AOPEP: variants seen among roughly 807,000 people sequenced by gnomAD.
AOPEP encodes aminopeptidase O (putative).
A neutral mutation model predicts 98.1 loss-of-function variants in AOPEP; 77 were observed. The observed-to-expected ratio is 0.78, with a 90% CI of 0.65 to 0.95. AOPEP has a LOEUF of 0.95. Among genes scored for constraint, AOPEP ranks in the 40% least tolerant of loss-of-function variants. AOPEP has a pLI of 0.00. For synonymous variants in AOPEP, 346 were observed against 365.3 expected, an observed-to-expected ratio of 0.95 and a Z score of 0.60; for missense variants, 1,024 against 1,024.7, an observed-to-expected ratio of 1.00 and a Z score of 0.01.
intron 13 of AOPEP, among the ~76,000 whole-genome samples, chr9:95,043,125 A>G (rs2065484282): frequency 6.6e-6 from 1 of 151,166 alleles, no homozygotes; most frequent in African/African-American, 2.4e-5. Flanking sequence ...CTACACAAAA[A>G]TAAGAAAAGG....
chr9:94,729,153 A>G (rs574549824), intron 1 of AOPEP, among the ~76,000 whole-genome samples: 12 of 152,248 alleles, frequency 7.9e-5, no homozygotes, highest in Non-Finnish European at 1.8e-4. Context: ...GAAGTACAGA[A>G]GGTGGATGAT....
chr9:94,981,535 TCTACCCA>T (rs1391176814), intron 11 of AOPEP, among the ~76,000 whole-genome samples: 1 of 152,174 alleles, frequency 6.6e-6, no homozygotes, highest in Admixed American at 6.5e-5. Context: ...TTGCGTCTCT[TCTACCCA>T]TTTCGGCCAT....
intron 5 of AOPEP, among the ~76,000 whole-genome samples, chr9:94,844,095 C>T (rs565492916): frequency 3.3e-5 from 5 of 152,194 alleles, no homozygotes; most frequent in African/African-American, 4.8e-5. Context: ...CTCCCTCTGT[C>T]GCCCAGCTGG....
At chr9:94,792,651 T>G in intron 3 of AOPEP, 114 bp from the exon 4 acceptor site, 2 of 994,752 alleles carry the variant, frequency 2.0e-6, no homozygotes, top group Admixed American at 2.5e-5. Context: ...CCTCCAAGAG[T>G]TGGCTCTTAC....
At chr9:95,108,555 T>C in the AOPEP span, among the ~76,000 whole-genome samples, 3 of 152,254 alleles carry the variant, frequency 2.0e-5, no homozygotes, top group Non-Finnish European at 2.9e-5. Flanking sequence ...TCCATGCTCA[T>C]GGGCTTCCAC....
At chr9:95,088,176 G>A (rs1186299784), downstream of AOPEP, among the ~76,000 whole-genome samples, 2 of 151,872 alleles carry the variant, frequency 1.3e-5, no homozygotes, top group Non-Finnish European at 2.9e-5. Flanking sequence ...TAGAATGAAC[G>A]ATGCTTTCTC....
chr9:95,019,180 AGTT>A (rs1321727785), intron 13 of AOPEP: 1 of 152,120 alleles, frequency 6.6e-6, no homozygotes, highest in East Asian at 1.9e-4. Flanking sequence ...GTACTTTATG[AGTT>A]GTTGTGTTTA....
chr9:94,852,648 C>A (rs73536074), intron 5 of AOPEP, among the ~76,000 whole-genome samples: 1,699 of 152,312 alleles, frequency 0.011, 29 homozygotes, highest in African/African-American at 0.038. Context: ...CCACCATACC[C>A]CAAAGTCAGT....
chr9:94,980,234 T>A lies in AOPEP; in HGVS notation c.1977+807T>A, dbSNP rs1416635173. ...CATGGCAAGCCTAGGCCCTGGGAAG[T>A]CTGAGGGTGGGATCCCAGATGCGCG... On this transcript the variant is annotated intron_variant, in intron 11 of 16. Transcript: ENST00000375315. This position sits in a 1 kb window ranked among gnomAD's most constrained non-coding sequence, Gnocchi z 4.3. Among the ~76,000 whole-genome samples, 1 of 152,162 alleles carries A rather than the reference T, an allele frequency of 6.6e-6. No homozygotes were observed. The highest frequency in any genetic ancestry group is 2.4e-5 in the African/African-American group (1 of 41,442).
At chr9:95,126,765 C>T in the AOPEP span, 82 of 630,164 alleles carry the variant, frequency 1.3e-4, no homozygotes, top group African/African-American at 1.3e-3. Flanking sequence ...ATACGGTGGT[C>T]TCCCTGGGCA....
chr9:94,975,706 T>A (rs2059799906), intron 10 of AOPEP, among the ~76,000 whole-genome samples: 1 of 152,210 alleles, frequency 6.6e-6, no homozygotes. Flanking sequence ...ATTCTGCAAG[T>A]TCTGGTGTGG....
chr9:95,010,893 C>T (rs181140924), intron 13 of AOPEP, among the ~76,000 whole-genome samples: 13 of 152,284 alleles, frequency 8.5e-5, no homozygotes, highest in African/African-American at 1.9e-4. Flanking sequence ...GCTGTTAATA[C>T]GCAATTCGTT....
intron 5 of AOPEP, among the ~76,000 whole-genome samples, chr9:94,813,629 T>G (rs937697588): frequency 6.6e-6 from 1 of 152,204 alleles, no homozygotes; most frequent in African/African-American, 2.4e-5. Flanking sequence ...TGCTTTCTGG[T>G]TCCCTAAGGA....
At position 94,955,974 on chromosome 9, in the gene AOPEP, A is replaced by G. The variant is rs748778079; in HGVS notation, c.1831A>G (p.Lys611Glu). The change falls in exon 9 of 17, where the codon AAA becomes GAA. Residue 611 changes from lysine (K) to glutamate (E), a missense_variant. Transcript: ENST00000375315. ...TGAAACCTATTTTTCATTTTTAAGA[A>G]AATTTGTGCACACATTTCATGGACA... ...GDETYFSFLR[K>E]FVHTFHGQLI... 4.3e-6 allele frequency: 7 copies of G among 1,613,678 alleles called. No homozygotes were observed. Among genetic ancestry groups the G allele is most frequent in the Non-Finnish European group, 5.1e-6 (6 of 1,179,836 alleles).
intron 5 of AOPEP, among the ~76,000 whole-genome samples, chr9:94,921,833 A>G (rs1378793146): frequency 1.3e-5 from 2 of 152,066 alleles, no homozygotes; most frequent in Non-Finnish European, 2.9e-5. Flanking sequence ...GGTCATTTGT[A>G]TGGTTAAACG....
rs2063752349 is a variant in AOPEP, at chr9:95,025,244, T to A, written c.2115+19628T>A. Among the ~76,000 whole-genome samples the A allele has an allele frequency of 2.6e-5, 4 of 152,216 alleles. No homozygotes were observed. In the South Asian group the frequency reaches 8.3e-4, roughly 32 times the overall value. On this transcript the variant is annotated intron_variant, in intron 13 of 16. Transcript: ENST00000375315. The stretch of plus-strand genomic sequence containing the variant: ...TTTTGGATGGTCAGAAATTCTGGCT[T>A]GTCCTTGTTCTTCCTTCTCCCGTGA...
At chr9:94,801,115 A>G (rs189066790) in intron 5 of AOPEP, 113 bp downstream of exon 5, 11 of 1,225,956 alleles carry the variant, frequency 9.0e-6, no homozygotes, top group Admixed American at 8.9e-5. Flanking sequence ...TGGAGGGGCT[A>G]TGGTTGCTCA....
chr9:95,011,530 C>G (rs897434943), intron 13 of AOPEP, among the ~76,000 whole-genome samples: 1 of 152,074 alleles, frequency 6.6e-6, no homozygotes, highest in Non-Finnish European at 1.5e-5. Flanking sequence ...TGCCGTTTTG[C>G]TGGGCATGGT....
chr9:95,137,058 A>C, the AOPEP span, among the ~76,000 whole-genome samples: 3 of 152,192 alleles, frequency 2.0e-5, no homozygotes, highest in African/African-American at 7.2e-5. Context: ...TCTTGCCCCA[A>C]GAAAAACAAG....
Sources: allele counts gnomAD v4.1 joint callset (sites outside exome capture counted in the v4.1 genomes callset), GRCh38; gene constraint gnomAD v4.1.1; non-coding constraint Gnocchi (gnomAD v3.1); transcripts MANE v1.5; gene names NCBI Gene and HGNC (gene_info 2026-07-23, HGNC 2026-07-21).